The following CRY1 variants were observed in gnomAD, a reference collection of about 807,000 sequenced individuals.
CRY1 encodes cryptochrome-1.
A neutral mutation model predicts 76.0 loss-of-function variants in CRY1; 45 were observed. That is an observed-to-expected ratio of 0.59 (90% CI 0.47 to 0.76). CRY1 has a LOEUF of 0.76. CRY1 is among the 30% of genes least tolerant of loss of function. The pLI, the probability that CRY1 is intolerant of heterozygous loss-of-function variation, is 0.00. For missense variants in CRY1, 587 were observed against 716.4 expected (o/e 0.82, Z 2.06); for synonymous variants, 248 against 244.0 (o/e 1.02, Z -0.15).
At chr12:107,070,295 C>T (rs1306219288) in intron 1 of CRY1, among the ~76,000 whole-genome samples, 1 of 152,044 alleles carries the variant, frequency 6.6e-6, no homozygotes, top group Non-Finnish European at 1.5e-5. Context: ...CTGTTAGAAG[C>T]AATGGATTAG....
rs150138304 is a variant in CRY1, at chr12:107,036,102, T to C, written c.159-13910A>G. Reference sequence around the variant, plus strand: ...TTTCAACACAAGGCCTCCTCCACAGTAGGGGAAGAACTGGGAAACATACAG... The same window carrying C: ...TTTCAACACAAGGCCTCCTCCACAGCAGGGGAAGAACTGGGAAACATACAG... On this transcript the variant is annotated intron_variant, in intron 1 of 12. Coordinates refer to ENST00000008527, the MANE Select transcript of CRY1 (RefSeq NM_004075.5). 3.0e-3 allele frequency among the ~76,000 whole-genome samples: 459 copies of C among 152,286 alleles called. 9 individuals are homozygous for C. Among genetic ancestry groups the C allele is most frequent in the East Asian group, 6.2e-3 (32 of 5,176 alleles).
At chr12:107,032,135 C>T (rs559989402) in intron 1 of CRY1, among the ~76,000 whole-genome samples, 1 of 151,748 alleles carries the variant, frequency 6.6e-6, no homozygotes, top group African/African-American at 2.4e-5. Context: ...GGTTTCGCCA[C>T]GTTGGCCAGG....
At chr12:107,068,446 C>G (rs1439033363) in intron 1 of CRY1, among the ~76,000 whole-genome samples, 1 of 152,072 alleles carries the variant, frequency 6.6e-6, no homozygotes, top group Non-Finnish European at 1.5e-5. Flanking sequence ...CAGGTATGTG[C>G]CACCATGCCC....
At chr12:107,032,443 C>T (rs535028275) in intron 1 of CRY1, among the ~76,000 whole-genome samples, 5 of 152,116 alleles carry the variant, frequency 3.3e-5, no homozygotes, top group African/African-American at 1.2e-4. Flanking sequence ...TGGTCCCAAA[C>T]ACCTCAAGCA....
intron 1 of CRY1, among the ~76,000 whole-genome samples, chr12:107,088,607 G>C (rs1183895203): frequency 6.6e-6 from 1 of 152,148 alleles, no homozygotes; most frequent in Non-Finnish European, 1.5e-5. Context: ...CTTGATTCTG[G>C]ACATCTTCCA....
Position 107,092,890 on chromosome 12 carries a change from G to A in CRY1, c.72C>T (p.Cys24=), listed in dbSNP as rs1323178199. 3.7e-6 allele frequency: 6 copies of A among 1,609,932 alleles called. No homozygotes were observed. Among genetic ancestry groups the A allele is most frequent in the East Asian group, 2.2e-5 (1 of 44,838 alleles). ...AGCGGATGGTGTCGGCGCCCTGAAT[G>A]CACTCCTTCAGGGCGGGGTTGTCGT... ...RLHDNPALKE[C]IQGADTIRCV... is the part of the protein sequence containing the mutation. Residue 24 remains cysteine (C), a synonymous_variant, in exon 1 of 13, where the codon TGC becomes TGT. Coordinates refer to ENST00000008527, the MANE Select transcript of CRY1 (RefSeq NM_004075.5).
chr12:107,026,124 T>C (rs1203044630), intron 1 of CRY1, among the ~76,000 whole-genome samples: 10 of 24,168 alleles, frequency 4.1e-4, no homozygotes, highest in African/African-American at 2.3e-3. Flanking sequence ...ATATATATTA[T>C]ATATAATTAC....
intron 1 of CRY1, among the ~76,000 whole-genome samples, chr12:107,090,581 C>A (rs1470825434): frequency 6.6e-6 from 1 of 152,182 alleles, no homozygotes. Context: ...AGTCTCACGG[C>A]TCCACTAGAA....
At chr12:107,045,479 G>A (rs192123343) in intron 1 of CRY1, among the ~76,000 whole-genome samples, 3 of 152,242 alleles carry the variant, frequency 2.0e-5, no homozygotes, top group African/African-American at 7.2e-5. Context: ...CCAACGTGGC[G>A]AAACCCTGTC....
intron 1 of CRY1, among the ~76,000 whole-genome samples, chr12:107,068,236 T>TA (rs771650072): frequency 6.6e-6 from 1 of 152,186 alleles, no homozygotes; most frequent in Non-Finnish European, 1.5e-5. Flanking sequence ...CAATCTCTGA[T>TA]ATATAGGGAA....
At chr12:107,076,053 T>C (rs989740056) in intron 1 of CRY1, among the ~76,000 whole-genome samples, 2 of 151,572 alleles carry the variant, frequency 1.3e-5, no homozygotes, top group Admixed American at 6.6e-5. Context: ...AAATACTAGA[T>C]AGGCAAATCT....
At chr12:107,064,757 GGA>G (rs1443213947) in intron 1 of CRY1, among the ~76,000 whole-genome samples, 4 of 152,132 alleles carry the variant, frequency 2.6e-5, no homozygotes, top group Admixed American at 2.0e-4. Flanking sequence ...CAAAAAGACA[GGA>G]GAGTCAAAAC....
At chr12:107,007,345 A>T (rs932484538) in intron 2 of CRY1, among the ~76,000 whole-genome samples, 1 of 152,152 alleles carries the variant, frequency 6.6e-6, no homozygotes, top group Non-Finnish European at 1.5e-5. Context: ...GGGTAGAGTA[A>T]GTAAGGTGCA....
chr12:106,992,646 A>G (rs1952191160), intron 12 of CRY1, 141 bp downstream of exon 12: 1 of 730,232 alleles, frequency 1.4e-6, no homozygotes, highest in Non-Finnish European at 2.2e-6. Flanking sequence ...AAATTAACTG[A>G]GTTTGTAAAA....
intron 1 of CRY1, among the ~76,000 whole-genome samples, chr12:107,041,424 G>T (rs924358941): frequency 2.0e-5 from 3 of 152,176 alleles, no homozygotes; most frequent in Non-Finnish European, 4.4e-5. Context: ...GGCACTTTGT[G>T]ACAGCAGCTT....
intron 1 of CRY1, among the ~76,000 whole-genome samples, chr12:107,087,495 G>C (rs1029714045): frequency 2.0e-5 from 3 of 152,252 alleles, no homozygotes; most frequent in African/African-American, 7.2e-5. Flanking sequence ...ACAGCTTTAA[G>C]ATTTAATGTC....
intron 1 of CRY1, among the ~76,000 whole-genome samples, chr12:107,027,784 G>A (rs546803827): frequency 2.0e-5 from 3 of 152,020 alleles, no homozygotes; most frequent in Admixed American, 6.6e-5. Context: ...AGTATACTCC[G>A]TCACAATGAC....
At chr12:107,022,025 A>G in intron 2 of CRY1, 59 bp downstream of exon 2, 2 of 1,255,268 alleles carry the variant, frequency 1.6e-6, no homozygotes, top group South Asian at 1.4e-5. Flanking sequence ...AACTTTATTT[A>G]CCAAATATGT....
At chr12:107,014,342 T>A (rs1158598508) in intron 2 of CRY1, among the ~76,000 whole-genome samples, 2 of 152,132 alleles carry the variant, frequency 1.3e-5, no homozygotes, top group East Asian at 3.8e-4. Flanking sequence ...TGTGGCTGGT[T>A]CAGGAGGGCT....
Sources: allele counts gnomAD v4.1 joint callset (sites outside exome capture counted in the v4.1 genomes callset), GRCh38; gene constraint gnomAD v4.1.1; transcripts MANE v1.5; gene names NCBI Gene and HGNC (gene_info 2026-07-23, HGNC 2026-07-21).